Variants in C4orf50 observed in about 807,000 individuals in gnomAD.
The protein encoded by C4orf50 is chromosome 4 open reading frame 50.
Under a neutral mutation model 77.2 loss-of-function variants are expected in C4orf50, and 80 were observed. That is an observed-to-expected ratio of 1.04 (90% CI 0.87 to 1.25). The LOEUF is 1.25. Among genes scored for constraint, C4orf50 ranks in the 50% most tolerant of loss-of-function variants. The probability of loss-of-function intolerance (pLI) is 0.00; values close to 1 mark genes in which losing one functional copy is unlikely to be tolerated. For synonymous variants in C4orf50, 532 were observed against 465.3 expected (o/e 1.14, Z -1.84); for missense variants, 1,257 against 1,152.9 (o/e 1.09, Z -1.31).
At chr4:5,954,614 G>A (rs896642546), downstream of C4orf50, among the ~76,000 whole-genome samples, 1 of 152,118 alleles carries the variant, frequency 6.6e-6, no homozygotes, top group Non-Finnish European at 1.5e-5. This position sits in a 1 kb window ranked among gnomAD's most constrained non-coding sequence, Gnocchi z 4.7. Flanking sequence ...AGAGGGGAGG[G>A]CTCTGGAGTG....
At position 6,009,726 on chromosome 4, in the gene C4orf50, G is replaced by C. The variant is rs183758636; in HGVS notation, c.427-1194C>G. On this transcript the variant is annotated intron_variant, in intron 24 of 33. Coordinates refer to ENST00000531445, the Ensembl canonical transcript of C4orf50. This position sits in a 1 kb window ranked among gnomAD's most constrained non-coding sequence, Gnocchi z 5.6. ...GCCATTTGGTACATACAGGTGCAAA[G>C]GGCATGGAAAACTCGCTCAAGCACT... Among the ~76,000 whole-genome samples the C allele has an allele frequency of 0.02, 2,999 of 152,294 alleles. 39 individuals carry two copies. Among genetic ancestry groups the C allele is most frequent in the Non-Finnish European group, 0.032 (2,208 of 68,018 alleles).
chr4:5,923,584 G>T (rs1452666809), intron 7 of C4orf50, among the ~76,000 whole-genome samples: 6 of 152,116 alleles, frequency 3.9e-5, no homozygotes, highest in African/African-American at 1.4e-4. Context: ...AGGGATCGGG[G>T]GTAGGGATGG....
At chr4:5,930,755 C>T (rs980103189) in intron 7 of C4orf50, among the ~76,000 whole-genome samples, 1 of 152,230 alleles carries the variant, frequency 6.6e-6, no homozygotes, top group Admixed American at 6.5e-5. Context: ...TTGCACTCAA[C>T]TCCAGTGTGC....
chr4:5,917,764 C>T (rs1717093735), intron 7 of C4orf50, among the ~76,000 whole-genome samples: 2 of 152,036 alleles, frequency 1.3e-5, no homozygotes, highest in South Asian at 4.1e-4. Context: ...AAAGCACACA[C>T]CCAACCCCAG....
rs1716333460 is a variant in C4orf50, at chr4:5,901,341, A to C, written c.*2475-3153T>G. 1 of 152,202 alleles carries C rather than the reference A, an allele frequency of 6.6e-6. No individual in the cohort carries two copies. The highest frequency in any genetic ancestry group is 2.4e-5 in the African/African-American group (1 of 41,452). 9.4% of individuals were successfully genotyped at this position (152,202 alleles called of 1,614,324 possible). A position where few individuals can be genotyped will look rare whatever the true frequency, so the allele number is the denominator to read the frequency against. ...CCATCCAGTTTTTCCATTATTGCGCACAGTAGGTGCCGAGGTGTGTATCTT... is the reference window on the plus strand; with the variant it reads ...CCATCCAGTTTTTCCATTATTGCGCCCAGTAGGTGCCGAGGTGTGTATCTT... On this transcript the variant is annotated intron_variant, in intron 7 of 7. Coordinates refer to the C4orf50 transcript ENST00000324058. The surrounding 1 kb of genome is among the most constrained non-coding windows in gnomAD (Gnocchi z 4.4).
chr4:5,998,204 T>C (rs2108798868), intron 25 of C4orf50, among the ~76,000 whole-genome samples: 1 of 152,350 alleles, frequency 6.6e-6, no homozygotes, highest in East Asian at 1.9e-4. Context: ...TTGACAGATG[T>C]ACAGAAGAAA....
chr4:5,965,867 A>G (rs1719536461), intron 32 of C4orf50, among the ~76,000 whole-genome samples: 1 of 152,360 alleles, frequency 6.6e-6, no homozygotes, highest in South Asian at 2.1e-4. Context: ...TAATGAACTC[A>G]TCTAAGACCA....
At chr4:5,910,546 G>T (rs549373587) in intron 7 of C4orf50, among the ~76,000 whole-genome samples, 6 of 152,190 alleles carry the variant, frequency 3.9e-5, no homozygotes, top group African/African-American at 1.4e-4. Context: ...ATTATCTAGA[G>T]TGTGTCCTTG....
intron 7 of C4orf50, among the ~76,000 whole-genome samples, chr4:5,950,627 G>T (rs1423535622): frequency 6.6e-6 from 1 of 152,074 alleles, no homozygotes; most frequent in Non-Finnish European, 1.5e-5. Flanking sequence ...ACTCAAAATG[G>T]CACTTCCTCC....
At chr4:5,907,767 A>G (rs1331574972) in intron 7 of C4orf50, among the ~76,000 whole-genome samples, 1 of 152,194 alleles carries the variant, frequency 6.6e-6, no homozygotes, top group African/African-American at 2.4e-5. Context: ...CCAGCCATGG[A>G]AAGCAATAGG....
At position 5,965,021 on chromosome 4, in the gene C4orf50, C is replaced by T; in HGVS notation, c.4275+3G>A. 9 of 1,610,298 alleles carry T rather than the reference C, an allele frequency of 5.6e-6. No homozygotes were observed. Among genetic ancestry groups the T allele is most frequent in the Middle Eastern group, 1.7e-4 (1 of 6,044 alleles). Reference sequence around the variant, plus strand: ...GGAAATGAGGTGACAGGTGCCTTCTCACCTTCAGAGAATCCAGTTGGGCTG... The same window carrying T: ...GGAAATGAGGTGACAGGTGCCTTCTTACCTTCAGAGAATCCAGTTGGGCTG... On this transcript the variant is annotated splice_donor_region_variant and intron_variant, in intron 33 of 33. Coordinates refer to ENST00000531445, the Ensembl canonical transcript of C4orf50.
At chr4:5,969,818 C>T (rs1474733555) in intron 31 of C4orf50, among the ~76,000 whole-genome samples, 2 of 152,170 alleles carry the variant, frequency 1.3e-5, no homozygotes, top group African/African-American at 4.8e-5. Flanking sequence ...TCATCATCTG[C>T]AGGTGAATCT....
chr4:5,976,272 C>G (rs1470996156), intron 29 of C4orf50, among the ~76,000 whole-genome samples: 10 of 151,424 alleles, frequency 6.6e-5, no homozygotes, highest in African/African-American at 2.4e-4. Flanking sequence ...AGTGAAACCC[C>G]ATCTCTACTA....
chr4:5,998,590 A>G (rs1297823914), intron 25 of C4orf50, among the ~76,000 whole-genome samples: 1 of 152,174 alleles, frequency 6.6e-6, no homozygotes, highest in Non-Finnish European at 1.5e-5. Flanking sequence ...TGGGATCGTG[A>G]TCTCAGCTCT....
chr4:5,926,609 G>T (rs1219193568), intron 7 of C4orf50, among the ~76,000 whole-genome samples: 3 of 152,110 alleles, frequency 2.0e-5, no homozygotes, highest in African/African-American at 7.2e-5. Context: ...TACATCATGT[G>T]AATTTTGCCT....
exon 28 of C4orf50, chr4:5,988,444 G>T: frequency 6.3e-7 from 1 of 1,596,064 alleles, no homozygotes. Flanking sequence ...TTTCACTTCT[G>T]CTCCACTGAC....
rs145744531 is a variant in C4orf50 at position 5,968,301 on chromosome 4, C to T, written c.4105-839G>A. On this transcript the variant is annotated intron_variant, in intron 31 of 33. Coordinates refer to ENST00000531445, the Ensembl canonical transcript of C4orf50. ...TGGCAGAGTTCAGCCACTTGCCTCTCGCACAGCGCCTTCTCTGCTGCAGTG... is the reference window on the plus strand; with the variant it reads ...TGGCAGAGTTCAGCCACTTGCCTCTTGCACAGCGCCTTCTCTGCTGCAGTG... Among the ~76,000 whole-genome samples the T allele has an allele frequency of 1.1e-4, 17 of 152,352 alleles. No individual in the cohort carries two copies. In the East Asian group the frequency reaches 2.3e-3, roughly 21 times the overall value.
In C4orf50 at chr4:6,008,995, T is replaced by G. The variant is rs1577998555; in HGVS notation, c.427-463A>C. 6.6e-6 allele frequency among the ~76,000 whole-genome samples: 1 copy of G among 152,208 alleles called. No individual in the cohort carries two copies. The highest frequency in any genetic ancestry group is 1.9e-4 in the East Asian group (1 of 5,182). On this transcript the variant is annotated intron_variant, in intron 24 of 33. Transcript: ENST00000531445. The surrounding 1 kb of genome is among the most constrained non-coding windows in gnomAD (Gnocchi z 6.0). Reference sequence around the variant, plus strand: ...AATGCTTGGCCCACCCAGGGTCAGCTGGCCCCAGCAGGTGAGTCGCAATAC... The same window carrying G: ...AATGCTTGGCCCACCCAGGGTCAGCGGGCCCCAGCAGGTGAGTCGCAATAC...
intron 7 of C4orf50, among the ~76,000 whole-genome samples, chr4:5,948,988 G>C (rs1026005136): frequency 3.4e-5 from 5 of 145,860 alleles, no homozygotes; most frequent in Admixed American, 6.8e-5. Context: ...AATAGAGAAA[G>C]AGAGGCAGCC....
Sources: gnomAD v4.1 joint callset for allele counts (sites outside exome capture counted in the v4.1 genomes callset) on GRCh38, gnomAD v4.1.1 for gene constraint, Gnocchi (gnomAD v3.1) non-coding constraint, MANE v1.5 for transcripts, NCBI Gene and HGNC (gene_info 2026-07-23, HGNC 2026-07-21) for gene names.